LRFN2: variants seen among roughly 807,000 people sequenced by gnomAD.
LRFN2 encodes the protein leucine rich repeat and fibronectin type III domain containing 2.
LRFN2 carries 18 observed loss-of-function variants against 37.3 expected under a neutral mutation model. The observed-to-expected ratio is 0.48, with a 90% CI of 0.33 to 0.72. LRFN2 has a LOEUF of 0.72. Ranked by LOEUF, LRFN2 falls within the 30% of genes least tolerant of loss-of-function variation. The pLI is 0.02. For synonymous variants in LRFN2, 556 were observed against 466.6 expected (o/e 1.19, Z -2.47); for missense variants, 1,006 against 1,060.7 (o/e 0.95, Z 0.72).
chr6:40,466,209 C>T (rs971970652), intron 1 of LRFN2, among the ~76,000 whole-genome samples: 1 of 152,144 alleles, frequency 6.6e-6, no homozygotes, highest in African/African-American at 2.4e-5. Flanking sequence ...CATTTGGATA[C>T]TTTATGACCT....
At chr6:40,452,968 G>C (rs1008913658) in intron 1 of LRFN2, among the ~76,000 whole-genome samples, 1 of 152,150 alleles carries the variant, frequency 6.6e-6, no homozygotes, top group Non-Finnish European at 1.5e-5. Flanking sequence ...GTAGCCTCCG[G>C]CAACTTATGT....
intron 1 of LRFN2, among the ~76,000 whole-genome samples, chr6:40,446,433 A>T (rs1378096360): frequency 6.6e-6 from 1 of 152,198 alleles, no homozygotes; most frequent in Admixed American, 6.5e-5. Context: ...CTGCCCCTAC[A>T]TTCCTCGTGT....
intron 1 of LRFN2, among the ~76,000 whole-genome samples, chr6:40,557,148 C>T (rs915628232): frequency 1.3e-5 from 2 of 152,152 alleles, no homozygotes; most frequent in South Asian, 4.1e-4. Context: ...CAGCTGGAAG[C>T]TCACTGTAGA....
intron 1 of LRFN2, among the ~76,000 whole-genome samples, chr6:40,497,338 C>T (rs1176652340): frequency 2.0e-5 from 3 of 152,118 alleles, no homozygotes; most frequent in African/African-American, 7.2e-5. Flanking sequence ...CAGGCCCAAC[C>T]TGTTGCCCTC....
intron 1 of LRFN2, among the ~76,000 whole-genome samples, chr6:40,538,262 G>A (rs948965558): frequency 6.6e-6 from 1 of 152,126 alleles, no homozygotes; most frequent in Non-Finnish European, 1.5e-5. Context: ...TTGGGGCTCG[G>A]CGGAGTGATG....
chr6:40,510,861 ACT>A (rs1286630618), intron 1 of LRFN2, among the ~76,000 whole-genome samples: 2 of 151,970 alleles, frequency 1.3e-5, no homozygotes, highest in Non-Finnish European at 2.9e-5. Context: ...GGAAGACGAG[ACT>A]CACACAGCAG....
At chr6:40,448,225 AGAG>A (rs1248164029) in intron 1 of LRFN2, among the ~76,000 whole-genome samples, 1 of 152,140 alleles carries the variant, frequency 6.6e-6, no homozygotes, top group Non-Finnish European at 1.5e-5. Context: ...CCCACTATGA[AGAG>A]GAGAAGCAGA....
intron 2 of LRFN2, among the ~76,000 whole-genome samples, chr6:40,409,949 C>A (rs1216101763): frequency 6.6e-6 from 1 of 152,210 alleles, no homozygotes; most frequent in African/African-American, 2.4e-5. Flanking sequence ...GAGGAGCCCA[C>A]TCAGCACTTC....
intron 1 of LRFN2, among the ~76,000 whole-genome samples, chr6:40,542,337 G>C (rs1315399902): frequency 2.6e-5 from 4 of 152,100 alleles, no homozygotes; most frequent in Admixed American, 6.5e-5. Flanking sequence ...GGCAGCAGGG[G>C]GTCATTAAGG....
chr6:40,510,183 G>A (rs1765664650), intron 1 of LRFN2, among the ~76,000 whole-genome samples: 1 of 151,372 alleles, frequency 6.6e-6, no homozygotes, highest in African/African-American at 2.4e-5. Context: ...CATGCATGTG[G>A]GTATACCAGG....
At chr6:40,564,383 A>G (rs1025862022) in intron 1 of LRFN2, among the ~76,000 whole-genome samples, 3 of 152,152 alleles carry the variant, frequency 2.0e-5, no homozygotes, top group Non-Finnish European at 2.9e-5. Context: ...TATAGACAAA[A>G]TTAAGTTCCT....
chr6:40,435,972 C>T (rs1031273671), intron 1 of LRFN2, among the ~76,000 whole-genome samples: 3 of 152,088 alleles, frequency 2.0e-5, no homozygotes, highest in Non-Finnish European at 4.4e-5. Context: ...GAGAGAGCAT[C>T]ACTGTGAAGT....
At chr6:40,411,565 G>A (rs900223986) in intron 2 of LRFN2, among the ~76,000 whole-genome samples, 7 of 152,056 alleles carry the variant, frequency 4.6e-5, no homozygotes, top group South Asian at 4.2e-4. Context: ...GCCCCATCTC[G>A]CCCACCCTGC....
At chr6:40,409,887 C>T (rs1762928971) in intron 2 of LRFN2, among the ~76,000 whole-genome samples, 1 of 152,190 alleles carries the variant, frequency 6.6e-6, no homozygotes, top group East Asian at 1.9e-4. Context: ...GCTGCATCAT[C>T]CTGCCTGCTG....
chr6:40,497,941 G>C (rs1309168418), intron 1 of LRFN2, among the ~76,000 whole-genome samples: 2 of 152,154 alleles, frequency 1.3e-5, no homozygotes, highest in African/African-American at 2.4e-5. Flanking sequence ...TTTACTCTTG[G>C]GGAACAGCCC....
chr6:40,410,717 C>T (rs1315563918), intron 2 of LRFN2, among the ~76,000 whole-genome samples: 1 of 152,170 alleles, frequency 6.6e-6, no homozygotes, highest in Non-Finnish European at 1.5e-5. Context: ...TTCCACCCAC[C>T]TCGCAGCAGG....
intron 1 of LRFN2, among the ~76,000 whole-genome samples, chr6:40,486,856 T>C (rs1581742680): frequency 6.6e-6 from 1 of 152,200 alleles, no homozygotes; most frequent in East Asian, 1.9e-4. Context: ...AAGTGCTGTA[T>C]GACTTCCTTC....
chr6:40,392,306 T>C lies in LRFN2; in HGVS notation c.2007A>G (p.Arg669=). Residue 669 remains arginine, a synonymous_variant, in exon 3 of 3, where the codon AGA becomes AGG. Coordinates refer to ENST00000338305, the MANE Select transcript of LRFN2 (RefSeq NM_020737.3). This position sits in a 1 kb window ranked among gnomAD's most constrained non-coding sequence, Gnocchi z 4.7. ...AFASLDLKSQ[R]KEELLDSRTP... Reference sequence around the variant, plus strand: ...TCCTGGAGTCCAGCAGCTCCTCCTTTCTCTGACTCTTGAGGTCCAGGGAGG... The same window carrying C: ...TCCTGGAGTCCAGCAGCTCCTCCTTCCTCTGACTCTTGAGGTCCAGGGAGG... The C allele has an allele frequency of 6.2e-7, 1 of 1,610,738 alleles. No individual in the cohort carries two copies. Among genetic ancestry groups the C allele is most frequent in the Non-Finnish European group, 8.5e-7 (1 of 1,178,814 alleles).
intron 1 of LRFN2, among the ~76,000 whole-genome samples, chr6:40,499,290 C>T (rs1765313778): frequency 6.6e-6 from 1 of 152,180 alleles, no homozygotes. Flanking sequence ...AAGACATTTC[C>T]CAGGTTCCCC....
Sources: gnomAD v4.1 joint callset for allele counts (sites outside exome capture counted in the v4.1 genomes callset) on GRCh38, gnomAD v4.1.1 for gene constraint, Gnocchi (gnomAD v3.1) non-coding constraint, MANE v1.5 for transcripts, NCBI Gene and HGNC (gene_info 2026-07-23, HGNC 2026-07-21) for gene names.